The following SEPTIN11 variants were observed in gnomAD, a reference collection of about 807,000 sequenced individuals.
The protein encoded by SEPTIN11 is septin-11.
In SEPTIN11, 25 loss-of-function variants were observed where a neutral mutation model predicts 51.4. The ratio of observed to expected loss-of-function variants is 0.49; its 90% CI spans 0.35 to 0.68. The LOEUF (loss-of-function observed/expected upper bound fraction) is 0.68, where lower values mean the gene tolerates loss of function less well. SEPTIN11 is among the 30% of genes least tolerant of loss of function. The probability of loss-of-function intolerance (pLI) is 0.00; values close to 1 mark genes in which losing one functional copy is unlikely to be tolerated. For synonymous variants in SEPTIN11, 174 were observed against 184.1 expected (o/e 0.95, Z 0.44); for missense variants, 381 against 520.8 (o/e 0.73, Z 2.61).
intron 1 of SEPTIN11, among the ~76,000 whole-genome samples, chr4:76,958,297 CA>C (rs1396054965): frequency 1.3e-5 from 2 of 152,240 alleles, no homozygotes; most frequent in Non-Finnish European, 2.9e-5. Flanking sequence ...GTTGCCATCC[CA>C]GGGGGCAACC....
intron 3 of SEPTIN11, among the ~76,000 whole-genome samples, chr4:77,009,229 T>C (rs1218893242): frequency 6.6e-6 from 1 of 152,242 alleles, no homozygotes; most frequent in East Asian, 1.9e-4. Context: ...AATCCCAGGT[T>C]TCTGACTTGG....
chr4:76,990,415 G>A (rs905636463), intron 1 of SEPTIN11, among the ~76,000 whole-genome samples: 2 of 152,144 alleles, frequency 1.3e-5, no homozygotes, highest in African/African-American at 4.8e-5. Flanking sequence ...TACACTCTAG[G>A]ATGGAGTCCC....
At chr4:77,025,681 G>T (rs1005106373) in intron 7 of SEPTIN11, among the ~76,000 whole-genome samples, 2 of 152,162 alleles carry the variant, frequency 1.3e-5, no homozygotes, top group African/African-American at 2.4e-5. Context: ...ACTGGCAGAG[G>T]GGCTGGGAAT....
At position 76,986,859 on chromosome 4, in the gene SEPTIN11, CT is replaced by C. The variant is rs201816315; in HGVS notation, c.28-9558del. Among the ~76,000 whole-genome samples the C allele has an allele frequency of 9.1e-4, 139 of 152,028 alleles. No homozygotes were observed. The East Asian group carries it at 0.017, about 19-fold the overall frequency. ...TATATTTTCTATTATAAAACTACAG[CT>C]TTTTTTTCTTTTGTAATAATTCAAA... On this transcript the variant is annotated intron_variant, in intron 1 of 9. Coordinates refer to ENST00000264893, the MANE Select transcript of SEPTIN11 (RefSeq NM_018243.4).
At chr4:76,955,217 CA>C (rs751202796) in intron 1 of SEPTIN11, among the ~76,000 whole-genome samples, 6 of 152,162 alleles carry the variant, frequency 3.9e-5, no homozygotes, top group Non-Finnish European at 8.8e-5. Context: ...CCTGTTTTAT[CA>C]GACATTTCTT....
At chr4:76,974,191 A>G (rs905757318) in intron 1 of SEPTIN11, among the ~76,000 whole-genome samples, 6 of 152,180 alleles carry the variant, frequency 3.9e-5, no homozygotes, top group Non-Finnish European at 8.8e-5. Context: ...ACCCACTAGC[A>G]GTTGAAATTG....
intron 6 of SEPTIN11, among the ~76,000 whole-genome samples, 192 bp from the exon 7 acceptor site, chr4:77,020,310 A>G (rs1263411639): frequency 2.0e-5 from 3 of 152,190 alleles, no homozygotes; most frequent in Admixed American, 6.5e-5. Flanking sequence ...TGTCATCAGT[A>G]TTATGGTCAA....
chr4:77,009,901 T>C (rs1724744165), intron 3 of SEPTIN11: 1 of 152,288 alleles, frequency 6.6e-6, no homozygotes, highest in Admixed American at 6.5e-5. Context: ...AGGGCATGGG[T>C]GGACCTCACT....
chr4:76,955,308 C>A (rs1323487624), intron 1 of SEPTIN11, among the ~76,000 whole-genome samples: 1 of 152,134 alleles, frequency 6.6e-6, no homozygotes, highest in Non-Finnish European at 1.5e-5. Context: ...TGAAATCTCT[C>A]TATAGGCTGA....
chr4:77,010,140 C>T (rs1246348838), intron 3 of SEPTIN11, among the ~76,000 whole-genome samples: 2 of 151,986 alleles, frequency 1.3e-5, no homozygotes, highest in Non-Finnish European at 2.9e-5. Flanking sequence ...ATTTATTTGT[C>T]ACAATAGCTC....
intron 4 of SEPTIN11, 104 bp downstream of exon 4, chr4:77,012,025 A>G (rs1724901053): frequency 1.0e-6 from 1 of 982,390 alleles, no homozygotes; most frequent in Non-Finnish European, 1.5e-6. Flanking sequence ...TTTTTCCTGG[A>G]TTACAGGAAC....
intron 5 of SEPTIN11, among the ~76,000 whole-genome samples, chr4:77,018,338 A>G (rs1560738152): frequency 1.3e-5 from 2 of 151,958 alleles, no homozygotes; most frequent in African/African-American, 4.8e-5. Context: ...AGTCCCAGCT[A>G]TTTGGGACGC....
intron 9 of SEPTIN11, 178 bp downstream of exon 9, chr4:77,031,148 C>T: frequency 1.6e-6 from 1 of 606,486 alleles, no homozygotes; most frequent in Non-Finnish European, 2.8e-6. Context: ...AAAAGGTACA[C>T]AAAGATTAAT....
intron 8 of SEPTIN11, among the ~76,000 whole-genome samples, chr4:77,030,243 G>A (rs115450736): frequency 0.05 from 7,564 of 152,036 alleles, 289 homozygotes; most frequent in East Asian, 0.1. Flanking sequence ...GCAACAGAGC[G>A]AAGGAATTTT....
At chr4:77,019,706 A>G (rs1436887717) in intron 6 of SEPTIN11, among the ~76,000 whole-genome samples, 1 of 152,198 alleles carries the variant, frequency 6.6e-6, no homozygotes, top group Admixed American at 6.5e-5. Context: ...TATTTGATCT[A>G]TATTTGGCAC....
intron 1 of SEPTIN11, among the ~76,000 whole-genome samples, chr4:76,983,757 C>T (rs755984492): frequency 5.3e-5 from 8 of 152,188 alleles, no homozygotes; most frequent in Non-Finnish European, 8.8e-5. Flanking sequence ...TGCCCGTAAT[C>T]CCAGCACTTT....
chr4:76,949,954 T>C, intron 1 of SEPTIN11, 24 bp downstream of exon 1: 1 of 1,457,216 alleles, frequency 6.9e-7, no homozygotes, highest in Non-Finnish European at 9.0e-7. Context: ...CCTCGCCTGC[T>C]GCTCCTCGGG....
At chr4:77,028,422 T>C (rs1726340961) in intron 7 of SEPTIN11, among the ~76,000 whole-genome samples, 1 of 152,236 alleles carries the variant, frequency 6.6e-6, no homozygotes, top group African/African-American at 2.4e-5. Context: ...TGTGTTGTGC[T>C]TACTGACTGA....
At position 77,035,740 on chromosome 4, in the gene SEPTIN11, C is replaced by T. The variant is rs924344932; in HGVS notation, c.*1228C>T. On this transcript the variant is annotated 3_prime_UTR_variant, in exon 10 of 10. Transcript: ENST00000264893. ...TGCTCTTTGTCTAAGGCCCTTGCCT[C>T]ATCAGGGATTAGAACTGGCCCATAT... The T allele has an allele frequency of 1.0e-6, 1 of 985,910 alleles. No homozygotes were observed. The highest frequency in any genetic ancestry group is 1.2e-6 in the Non-Finnish European group (1 of 829,958). 61.1% of individuals were successfully genotyped at this position (985,910 alleles called of 1,614,324 possible).
Sources: gnomAD v4.1 joint callset for allele counts (sites outside exome capture counted in the v4.1 genomes callset) on GRCh38, gnomAD v4.1.1 for gene constraint, MANE v1.5 for transcripts, NCBI Gene and HGNC (gene_info 2026-07-23, HGNC 2026-07-21) for gene names.